Variants in NRDE2 observed in about 807,000 individuals in gnomAD.
NRDE2 encodes nuclear exosome regulator NRDE2.
A neutral mutation model predicts 124.2 loss-of-function variants in NRDE2; 76 were observed. The observed-to-expected ratio is 0.61, with a 90% confidence interval of 0.51 to 0.74. The LOEUF is 0.74. NRDE2 is among the 30% of genes least tolerant of loss of function. The pLI is 0.00. For synonymous variants in NRDE2, 489 were observed against 528.1 expected (o/e 0.93, Z 1.01); for missense variants, 1,314 against 1,417.3 (o/e 0.93, Z 1.17).
At chr14:90,279,484 A>G (rs915702278) in intron 12 of NRDE2, 1 of 205,822 alleles carries the variant, frequency 4.9e-6, no homozygotes, top group African/African-American at 2.3e-5. Context: ...GAGGCTGAAG[A>G]CATTATACAA....
Position 90,303,005 on chromosome 14 carries a change from T to C in NRDE2, c.1126A>G (p.Ser376Gly). 1 of 1,614,030 alleles carries C rather than the reference T, an allele frequency of 6.2e-7. No individual in the cohort carries two copies. The highest frequency in any genetic ancestry group is 8.5e-7 in the Non-Finnish European group (1 of 1,180,036). ...KLAILERAIE[S>G]NQSSVDLKLA... ...TTCAGATCCACACTGCTCTGGTTGC[T>C]CTCAATGGCCCGCTCCAGAATGGCC... The change falls in exon 6 of 14, where the codon AGC (serine) becomes GGC (glycine). Residue 376 changes from serine (S) to glycine (G), a missense_variant. By Grantham distance (56) the Ser-to-Gly change is moderately conservative. Transcript: ENST00000354366.
intron 1 of NRDE2, among the ~76,000 whole-genome samples, chr14:90,330,189 A>G (rs1191472368): frequency 6.6e-6 from 1 of 150,740 alleles, no homozygotes; most frequent in Non-Finnish European, 1.5e-5. Flanking sequence ...CTTGGGCGAC[A>G]GAGCAAGACT....
intron 4 of NRDE2, among the ~76,000 whole-genome samples, chr14:90,309,885 GC>G (rs1884764645): frequency 6.6e-6 from 1 of 152,180 alleles, no homozygotes; most frequent in South Asian, 2.1e-4. Flanking sequence ...AAGCCCTTTA[GC>G]AGTGGTATCC....
At position 90,303,859 on chromosome 14, in the gene NRDE2, T is replaced by C. The variant is rs549699866; in HGVS notation, c.1005+76A>G. On this transcript the variant is annotated intron_variant, in intron 5 of 13. Transcript: ENST00000354366. The stretch of plus-strand genomic sequence containing the variant: ...CAAATTTCCTCATTTGCTCAAAAAT[T>C]GCTGCACAGTCCATCAGTTTGCCCA... 1.0e-4 allele frequency: 131 copies of C among 1,300,332 alleles called. 1 individual carries two copies. In the South Asian group the frequency reaches 1.7e-3, roughly 17 times the overall value. The allele number at this position is 1,300,332 out of a possible 1,614,324, so 80.5% of individuals were successfully genotyped here.
intron 1 of NRDE2, among the ~76,000 whole-genome samples, chr14:90,324,302 C>T (rs1189479329): frequency 6.6e-6 from 1 of 152,038 alleles, no homozygotes; most frequent in African/African-American, 2.4e-5. Flanking sequence ...GAGCAATGGG[C>T]AGATGGTCAT....
At chr14:90,294,083 A>G (rs766663759) in intron 8 of NRDE2, among the ~76,000 whole-genome samples, 2 of 152,188 alleles carry the variant, frequency 1.3e-5, no homozygotes, top group Non-Finnish European at 2.9e-5. Context: ...GCTGTGGTCC[A>G]TTTACACAAT....
Position 90,279,077 on chromosome 14 carries a change from A to C in NRDE2, c.3354T>G (p.Asn1118Lys). The change falls in exon 13 of 14, where the codon AAT (asparagine) becomes AAG (lysine). Residue 1118 changes from asparagine to lysine, a missense_variant. Transcript: ENST00000354366. ...TAACACTTACCTTTGCCCAAGGGCA[A>C]TTCTGAAGTGCTTTGTAGAATACAC... is the stretch of plus-strand genomic sequence containing the variant. ...SKGVFYKALQ[N>K]CPWAKVLYLD... 1 of 1,612,376 alleles carries C rather than the reference A, an allele frequency of 6.2e-7. No individual in the cohort carries two copies. The highest frequency in any genetic ancestry group is 1.3e-5 in the African/African-American group (1 of 75,068).
chr14:90,284,435 G>A (rs960271369), intron 12 of NRDE2, among the ~76,000 whole-genome samples: 3 of 149,328 alleles, frequency 2.0e-5, no homozygotes, highest in Non-Finnish European at 4.4e-5. Context: ...TGCAAACTCC[G>A]CCTGCAGCTC....
intron 3 of NRDE2, among the ~76,000 whole-genome samples, chr14:90,313,119 A>ATTTTTTTTT (rs1207268681): frequency 9.8e-6 from 1 of 102,264 alleles, no homozygotes; most frequent in Non-Finnish European, 1.9e-5. Flanking sequence ...TCTCAGCCTC[A>ATTTTTTTTT]TTTTTTTTTT....
At chr14:90,295,677 C>T (rs1194009445) in intron 8 of NRDE2, among the ~76,000 whole-genome samples, 3 of 152,152 alleles carry the variant, frequency 2.0e-5, no homozygotes, top group Non-Finnish European at 4.4e-5. Context: ...TGCTTGACTG[C>T]AGGATGAAAT....
rs755146178 is a variant in NRDE2, at chr14:90,269,136, G to T, written c.*9200C>A. The stretch of plus-strand genomic sequence containing the variant: ...CATGCTGTATAAGGCTCTGCCTCAT[G>T]CCTTTAGCCCTTTCCAAAAGGCCTC... On this transcript the variant is annotated 3_prime_UTR_variant, in exon 14 of 14. Transcript: ENST00000354366. The T allele has an allele frequency of 1.1e-4, 46 of 419,002 alleles. No homozygotes were observed. The highest frequency in any genetic ancestry group is 1.8e-4 in the Non-Finnish European group (41 of 233,844). 26.0% of individuals were successfully genotyped at this position (419,002 alleles called of 1,614,324 possible).
At chr14:90,301,179 C>T (rs1004441852) in intron 7 of NRDE2, 60 bp downstream of exon 7, 98 of 1,567,616 alleles carry the variant, frequency 6.3e-5, no homozygotes, top group Non-Finnish European at 8.1e-5. Context: ...CCACACCTTC[C>T]CCCTCTCCCT....
Position 90,290,341 on chromosome 14 carries a change from C to T in NRDE2, c.2109G>A (p.Arg703=). 6.2e-7 allele frequency: 1 copy of T among 1,614,108 alleles called. No individual in the cohort carries two copies. Among genetic ancestry groups the T allele is most frequent in the Non-Finnish European group, 8.5e-7 (1 of 1,180,046 alleles). The part of the protein sequence containing the change: ...MDRLGYPRWT[R]GQNREGEEFI... ...ACTCCTCGCCCTCTCGGTTCTGACC[C>T]CTGGTCCAGCGAGGATAGCCCAACC... Residue 703 remains arginine, a synonymous_variant, in exon 10 of 14, where the codon AGG becomes AGA. Coordinates refer to ENST00000354366, the MANE Select transcript of NRDE2 (RefSeq NM_017970.4).
Position 90,288,917 on chromosome 14 carries a change from G to C in NRDE2, c.2458C>G (p.Leu820Val). 6.2e-7 allele frequency: 1 copy of C among 1,613,636 alleles called. No homozygotes were observed. The highest frequency in any genetic ancestry group is 1.1e-5 in the South Asian group (1 of 91,076). ...AGSRELKDSD[L>V]CELSLLYAEL... ...GCATAGAGCAGACTGAGCTCACAGA[G>C]GTCAGAGTCTTTCAGTTCTCTGCTT... The change falls in exon 11 of 14, where the codon CTC (leucine) becomes GTC (valine). Residue 820 changes from leucine (L) to valine (V), a missense_variant. By Grantham distance (32) the Leu-to-Val change is conservative (BLOSUM62 1). Transcript: ENST00000354366.
Position 90,318,061 on chromosome 14 carries a change from C to T in NRDE2, c.117G>A (p.Leu39=), listed in dbSNP as rs759711192. Residue 39 remains leucine (L), a synonymous_variant, in exon 2 of 14, where the codon CTG becomes CTA. Transcript: ENST00000354366. ...CTGGAGCTGCTTCAGTTTGTTGGCT[C>T]AGGGACGTTATGGATCCAACACAAA... ...PSFCVGSITS[L]SQQTEAAPAH... The T allele has an allele frequency of 8.7e-6, 14 of 1,614,172 alleles. No homozygotes were observed. The East Asian group carries it at 8.9e-5, about 10-fold the overall frequency.
intron 1 of NRDE2, among the ~76,000 whole-genome samples, chr14:90,319,850 G>GA (rs755247204): frequency 6.6e-6 from 1 of 152,206 alleles, no homozygotes; most frequent in East Asian, 1.9e-4. Flanking sequence ...CCTAGGAGCG[G>GA]AATTGCTGGG....
In NRDE2 at chr14:90,274,018, G is replaced by A. The variant is rs1409411914; in HGVS notation, c.*4318C>T. 1 of 154,888 alleles carries A rather than the reference G, an allele frequency of 6.5e-6. No homozygotes were observed. Among genetic ancestry groups the A allele is most frequent in the Non-Finnish European group, 1.5e-5 (1 of 68,258 alleles). The allele number at this position is 154,888 out of a possible 1,614,324, so 9.6% of individuals were successfully genotyped here. A position where few individuals can be genotyped will look rare whatever the true frequency, so the allele number is the denominator to read the frequency against. On this transcript the variant is annotated 3_prime_UTR_variant, in exon 14 of 14. Transcript: ENST00000354366. ...TTATCTGCAAAGTTCCTTTTGCCAT[G>A]TAACATTCACACGTTCCAGGGCTTA... is the stretch of plus-strand genomic sequence containing the variant.
chr14:90,285,644 T>G (rs1226785930), intron 12 of NRDE2, among the ~76,000 whole-genome samples: 1 of 151,958 alleles, frequency 6.6e-6, no homozygotes, highest in Non-Finnish European at 1.5e-5. Context: ...TTACATTTTT[T>G]TTTTAAGAGA....
Position 90,274,139 on chromosome 14 carries a change from G to C in NRDE2, c.*4197C>G, listed in dbSNP as rs944759363. The C allele has an allele frequency of 1.3e-5, 2 of 155,002 alleles. No individual in the cohort carries two copies. Among genetic ancestry groups the C allele is most frequent in the Admixed American group, 6.5e-5 (1 of 15,288 alleles). The allele number at this position is 155,002 out of a possible 1,614,324, so 9.6% of individuals were successfully genotyped here. ...GCAGGGTAAGGACGGGGTGCTTGTG[G>C]GGAGGGCGGGTGTCAGCCCAAGTAG... On this transcript the variant is annotated 3_prime_UTR_variant, in exon 14 of 14. Transcript: ENST00000354366.
Sources: allele counts gnomAD v4.1 joint callset (sites outside exome capture counted in the v4.1 genomes callset), GRCh38; gene constraint gnomAD v4.1.1; transcripts MANE v1.5; gene names NCBI Gene and HGNC (gene_info 2026-07-23, HGNC 2026-07-21).